Variants in GXYLT1 observed in about 807,000 individuals in gnomAD.
GXYLT1 encodes glucoside xylosyltransferase 1, also known as glycosyltransferase 8 domain containing 3.
GXYLT1 carries 29 observed loss-of-function variants against 54.0 expected under a neutral mutation model. The ratio of observed to expected loss-of-function variants is 0.54; its 90% confidence interval spans 0.40 to 0.73. The LOEUF (loss-of-function observed/expected upper bound fraction) is 0.73. Among genes scored for constraint, GXYLT1 ranks in the 30% least tolerant of loss-of-function variants. The probability of loss-of-function intolerance (pLI) is 0.00; values close to 1 mark genes in which losing one functional copy is unlikely to be tolerated. For synonymous variants in GXYLT1, 176 were observed against 204.1 expected (o/e 0.86, Z 1.17); for missense variants, 490 against 553.4 (o/e 0.89, Z 1.15).
chr12:42,141,373 G>A (rs1445368068), intron 1 of GXYLT1, among the ~76,000 whole-genome samples: 1 of 152,110 alleles, frequency 6.6e-6, no homozygotes, highest in Non-Finnish European at 1.5e-5. Context: ...AACTGTATAA[G>A]CCTATAAATA....
At chr12:42,097,661 A>T in intron 6 of GXYLT1, 47 bp from the exon 7 acceptor site, 1 of 1,475,456 alleles carries the variant, frequency 6.8e-7, no homozygotes, top group Non-Finnish European at 9.3e-7. Flanking sequence ...CCCTAATTCC[A>T]CAGATGTAAC....
intron 2 of GXYLT1, among the ~76,000 whole-genome samples, chr12:42,122,955 T>A (rs980269577): frequency 6.6e-6 from 1 of 152,158 alleles, no homozygotes; most frequent in Admixed American, 6.6e-5. Context: ...CAATATCCCA[T>A]GCAGTAATCC....
chr12:42,131,932 A>G (rs767967500), intron 1 of GXYLT1, among the ~76,000 whole-genome samples: 4 of 152,330 alleles, frequency 2.6e-5, no homozygotes, highest in Non-Finnish European at 5.9e-5. Flanking sequence ...TTTATTTACA[A>G]TCAACACCTA....
At position 42,090,568 on chromosome 12, in the gene GXYLT1, T is replaced by C. The variant is rs149032166; in HGVS notation, c.1162-2621A>G. ...TGATTTTTAGGAAGCTCATGCTTTA[T>C]ACTGTCAGTTGAACGACATGAAATA... On this transcript the variant is annotated intron_variant, in intron 7 of 7. Transcript: ENST00000398675. Among the ~76,000 whole-genome samples the C allele has an allele frequency of 2.9e-3, 437 of 152,344 alleles. 2 individuals carry two copies. Among genetic ancestry groups the C allele is most frequent in the African/African-American group, 9.4e-3 (389 of 41,588 alleles).
At chr12:42,117,817 A>C (rs1347048736) in intron 3 of GXYLT1, among the ~76,000 whole-genome samples, 2 of 152,208 alleles carry the variant, frequency 1.3e-5, no homozygotes, top group African/African-American at 2.4e-5. Context: ...TGACCTGATT[A>C]AAGAGTATAT....
At chr12:42,123,099 G>A (rs562076738) in intron 2 of GXYLT1, among the ~76,000 whole-genome samples, 3 of 152,228 alleles carry the variant, frequency 2.0e-5, no homozygotes, top group African/African-American at 7.2e-5. Flanking sequence ...AAAAGGCTGG[G>A]GAACAGTTCT....
At chr12:42,132,071 A>C (rs824731) in intron 1 of GXYLT1, among the ~76,000 whole-genome samples, 3,002 of 152,304 alleles carry the variant, frequency 0.02, 114 homozygotes, top group African/African-American at 0.068. Context: ...AAAATTAATT[A>C]AAATTATATA....
chr12:42,141,347 TTTCC>T (rs2065651471), intron 1 of GXYLT1, among the ~76,000 whole-genome samples: 1 of 152,224 alleles, frequency 6.6e-6, no homozygotes, highest in Non-Finnish European at 1.5e-5. Context: ...ATCTGCAGTT[TTTCC>T]TTCATTTCAA....
In GXYLT1 at chr12:42,110,663, C is replaced by T. The variant is rs143486744; in HGVS notation, c.487-972G>A. 1.4e-4 allele frequency among the ~76,000 whole-genome samples: 22 copies of T among 152,306 alleles called. No individual in the cohort carries two copies. In the East Asian group the frequency reaches 4.0e-3, roughly 28 times the overall value. On this transcript the variant is annotated intron_variant, in intron 3 of 7. Transcript: ENST00000398675. ...TTCCCAGGCTTGGGTGATCCTCCCA[C>T]CTCAGGCCTCCCAAGTAGCTGGGAC... is the stretch of plus-strand genomic sequence containing the variant.
chr12:42,112,016 C>A (rs534067333), intron 3 of GXYLT1, among the ~76,000 whole-genome samples: 1 of 152,282 alleles, frequency 6.6e-6, no homozygotes, highest in East Asian at 1.9e-4. Flanking sequence ...TGCTGATACC[C>A]AGGCAAACAG....
chr12:42,100,835 G>A (rs963042406), intron 5 of GXYLT1, among the ~76,000 whole-genome samples: 3 of 152,016 alleles, frequency 2.0e-5, no homozygotes, highest in African/African-American at 7.2e-5. Context: ...AACTGGTGGA[G>A]CCCTTGTACA....
intron 3 of GXYLT1, among the ~76,000 whole-genome samples, chr12:42,110,961 T>C (rs1224623243): frequency 6.6e-6 from 1 of 152,236 alleles, no homozygotes; most frequent in Admixed American, 6.5e-5. Context: ...AAATATAGTA[T>C]ATGTTACACA....
In GXYLT1 at chr12:42,083,374, C is replaced by T. The variant is rs2065264434; in HGVS notation, c.*4412G>A. On this transcript the variant is annotated 3_prime_UTR_variant, in exon 8 of 8. Coordinates refer to ENST00000398675, the MANE Select transcript of GXYLT1 (RefSeq NM_173601.2). ...GTTATAATACAAATCTTTATTTAAT[C>T]TACTTTATTAAATATTAAAATGCAA... The T allele has an allele frequency of 6.6e-6, 1 of 151,958 alleles. No homozygotes were observed. Among genetic ancestry groups the T allele is most frequent in the South Asian group, 2.1e-4 (1 of 4,818 alleles). The allele number at this position is 151,958 out of a possible 1,614,324, so 9.4% of individuals were successfully genotyped here. A position where few individuals can be genotyped will look rare whatever the true frequency, so the allele number is the denominator to read the frequency against.
rs757836059 is a variant in GXYLT1, at chr12:42,087,747, T to C, written c.*39A>G. The C allele has an allele frequency of 4.1e-6, 6 of 1,446,860 alleles. No individual in the cohort carries two copies. Among genetic ancestry groups the C allele is most frequent in the Non-Finnish European group, 5.7e-6 (6 of 1,048,782 alleles). 89.6% of individuals were successfully genotyped at this position (1,446,860 alleles called of 1,614,324 possible). The stretch of plus-strand genomic sequence containing the variant: ...GATTCCTTCACACTTATCTTCTGAT[T>C]CTTTGTTTTCATCCATTTGATTAAG... On this transcript the variant is annotated 3_prime_UTR_variant, in exon 8 of 8. Coordinates refer to ENST00000398675, the MANE Select transcript of GXYLT1 (RefSeq NM_173601.2).
chr12:42,101,793 G>A (rs545604445), intron 5 of GXYLT1, among the ~76,000 whole-genome samples: 165 of 152,002 alleles, frequency 1.1e-3, no homozygotes, highest in African/African-American at 3.9e-3. Context: ...GCTGGTCTAG[G>A]ACTCCTGACC....
At chr12:42,101,989 A>G (rs1348776340) in intron 5 of GXYLT1, among the ~76,000 whole-genome samples, 1 of 152,218 alleles carries the variant, frequency 6.6e-6, no homozygotes, top group Non-Finnish European at 1.5e-5. Context: ...TTTTCATTCT[A>G]CATAAAATTA....
rs544778641 is a variant in GXYLT1 at position 42,083,473 on chromosome 12, T to C, written c.*4313A>G. The C allele has an allele frequency of 1.6e-4, 25 of 152,344 alleles. No individual in the cohort carries two copies. Among genetic ancestry groups the C allele is most frequent in the African/African-American group, 4.8e-4 (20 of 41,584 alleles). The allele number at this position is 152,344 out of a possible 1,614,324, so 9.4% of individuals were successfully genotyped here. A position where few individuals can be genotyped will look rare whatever the true frequency, so the allele number is the denominator to read the frequency against. On this transcript the variant is annotated 3_prime_UTR_variant, in exon 8 of 8. Transcript: ENST00000398675. ...GATAACTGGCCCCACACCTGACATA[T>C]TGCACCCCTACTTTTCTTCTCTACT...
intron 1 of GXYLT1, among the ~76,000 whole-genome samples, chr12:42,131,398 G>T (rs1010308921): frequency 3.9e-5 from 6 of 152,274 alleles, no homozygotes; most frequent in Non-Finnish European, 8.8e-5. Context: ...ACAGTCTAAG[G>T]CAGGGGTTCT....
At chr12:42,105,285 A>C (rs1216762419) in intron 5 of GXYLT1, among the ~76,000 whole-genome samples, 1 of 152,242 alleles carries the variant, frequency 6.6e-6, no homozygotes, top group African/African-American at 2.4e-5. Flanking sequence ...AACACGCAGG[A>C]ATTTTTTAAG....
Sources: allele counts gnomAD v4.1 joint callset (sites outside exome capture counted in the v4.1 genomes callset), GRCh38; gene constraint gnomAD v4.1.1; transcripts MANE v1.5; gene names NCBI Gene and HGNC (gene_info 2026-07-23, HGNC 2026-07-21).